The following ZBTB25 variants were observed in gnomAD, a reference collection of about 807,000 sequenced individuals.
ZBTB25 encodes zinc finger and BTB domain-containing protein 25.
In ZBTB25, 20 loss-of-function variants were observed where a neutral mutation model predicts 34.2. The ratio of observed to expected loss-of-function variants is 0.58; its 90% CI spans 0.41 to 0.85. The LOEUF (loss-of-function observed/expected upper bound fraction) is 0.85. ZBTB25 is among the 40% of genes least tolerant of loss of function. ZBTB25 has a pLI of 0.00. For missense variants in ZBTB25, 437 were observed against 521.8 expected, an observed-to-expected ratio of 0.84 and a Z score of 1.58; for synonymous variants, 175 against 186.4, an observed-to-expected ratio of 0.94 and a Z score of 0.50.
At chr14:64,488,924 A>G (rs981941247) in intron 2 of ZBTB25, among the ~76,000 whole-genome samples, 2 of 152,242 alleles carry the variant, frequency 1.3e-5, no homozygotes, top group African/African-American at 4.8e-5. Context: ...TATAGCCACA[A>G]TAAAGATATC....
In ZBTB25 at chr14:64,479,414, G is replaced by A. The variant is rs146506258; in HGVS notation, c.*7509C>T. ...TCTCCACATCGTCAAATGTCTCTATGGGGGGGGATAGCCCTGTGTAATGTT... is the reference window on the plus strand; with the variant it reads ...TCTCCACATCGTCAAATGTCTCTATAGGGGGGGATAGCCCTGTGTAATGTT... On this transcript the variant is annotated 3_prime_UTR_variant, in exon 3 of 3. Transcript: ENST00000608382. 6.7e-6 allele frequency: 1 copy of A among 149,504 alleles called. No individual in the cohort carries two copies. The highest frequency in any genetic ancestry group is 6.6e-5 in the Admixed American group (1 of 15,128). 9.3% of individuals were successfully genotyped at this position (149,504 alleles called of 1,614,324 possible).
At chr14:64,501,596 T>G (rs748097338) in intron 1 of ZBTB25, among the ~76,000 whole-genome samples, 2 of 152,240 alleles carry the variant, frequency 1.3e-5, no homozygotes, top group African/African-American at 4.8e-5. Flanking sequence ...GGAAAAACCC[T>G]GCAATAATAT....
intron 2 of ZBTB25, chr14:64,454,696 C>T (rs766325726): frequency 2.5e-6 from 4 of 1,600,446 alleles, no homozygotes; most frequent in Non-Finnish European, 3.4e-6. Context: ...TTTCATTTGT[C>T]CTCCCTCTCT....
In ZBTB25 at chr14:64,484,500, G is replaced by A. The variant is rs2602156; in HGVS notation, c.*2423C>T. The A allele has an allele frequency of 0.1, 15,231 of 152,306 alleles. 930 individuals are homozygous for A. Among genetic ancestry groups the A allele is most frequent in the Middle Eastern group, 0.15 (44 of 296 alleles). 9.4% of individuals were successfully genotyped at this position (152,306 alleles called of 1,614,324 possible). A position where few individuals can be genotyped will look rare whatever the true frequency, so the allele number is the denominator to read the frequency against. ...AGTTCCAGACCAGCCTGACCAAGAT[G>A]GTGAAACCCTGTCTCTGCTAAAAAC... On this transcript the variant is annotated 3_prime_UTR_variant, in exon 3 of 3. Transcript: ENST00000608382.
chr14:64,468,751 A>G (rs767633665), intron 2 of ZBTB25: 2 of 1,614,236 alleles, frequency 1.2e-6, no homozygotes, highest in Non-Finnish European at 1.7e-6. Context: ...TTTCTAAGAA[A>G]AAGGCAAAAT....
chr14:64,477,440 T>C (rs989689436), downstream of ZBTB25, among the ~76,000 whole-genome samples: 15 of 152,302 alleles, frequency 9.8e-5, no homozygotes, highest in African/African-American at 3.6e-4. Flanking sequence ...GTTAAAATAT[T>C]GTGATAGAGG....
chr14:64,473,308 A>C (rs1412846365), downstream of ZBTB25: 1 of 167,094 alleles, frequency 6.0e-6, no homozygotes. Flanking sequence ...GCATAAATGG[A>C]GTTGTTCAGA....
At chr14:64,456,872 G>A (rs1307555129) in intron 2 of ZBTB25, among the ~76,000 whole-genome samples, 1 of 152,140 alleles carries the variant, frequency 6.6e-6, no homozygotes, top group Non-Finnish European at 1.5e-5. Flanking sequence ...CCTTTTTATA[G>A]TTAAGTTTTA....
intron 2 of ZBTB25, among the ~76,000 whole-genome samples, chr14:64,489,646 C>G (rs1472789717): frequency 6.6e-6 from 1 of 151,520 alleles, no homozygotes; most frequent in Non-Finnish European, 1.5e-5. Context: ...CGCAATTCTC[C>G]TCCCTCAGCC....
intron 1 of ZBTB25, among the ~76,000 whole-genome samples, chr14:64,498,556 C>T (rs2079364189): frequency 6.6e-6 from 1 of 152,226 alleles, no homozygotes; most frequent in Admixed American, 6.5e-5. Flanking sequence ...GGCGATCCGC[C>T]TGCCTTGGCC....
chr14:64,465,046 C>T (rs2078595675), intron 2 of ZBTB25, among the ~76,000 whole-genome samples: 1 of 152,230 alleles, frequency 6.6e-6, no homozygotes, highest in Non-Finnish European at 1.5e-5. Flanking sequence ...AACATGACCT[C>T]GCTATTCTAT....
chr14:64,469,531 T>C (rs746708935), intron 2 of ZBTB25: 4 of 1,613,754 alleles, frequency 2.5e-6, no homozygotes, highest in Non-Finnish European at 3.4e-6. Context: ...ATGATAATGG[T>C]TTTGAGGATA....
upstream of ZBTB25, chr14:64,504,715 G>C: frequency 5.4e-6 from 2 of 371,666 alleles, no homozygotes; most frequent in Non-Finnish European, 4.8e-6. Flanking sequence ...CCGCGTAAGC[G>C]GGGCCGGCTC....
intron 2 of ZBTB25, among the ~76,000 whole-genome samples, chr14:64,465,848 G>A (rs1053279659): frequency 6.6e-6 from 1 of 152,192 alleles, no homozygotes; most frequent in Non-Finnish European, 1.5e-5. Context: ...TAGAAGCATG[G>A]GTTGCCGGTG....
chr14:64,483,794 T>A lies in ZBTB25; in HGVS notation c.*3129A>T, dbSNP rs960996157. ...GGCCAACATGGTGAAACCCTGTCTC[T>A]ACTAAAAATACAAAAATTAGCTGGG... On this transcript the variant is annotated 3_prime_UTR_variant, in exon 3 of 3. Transcript: ENST00000608382. The A allele has an allele frequency of 6.6e-6, 1 of 151,716 alleles. No individual in the cohort carries two copies. The highest frequency in any genetic ancestry group is 2.4e-5 in the African/African-American group (1 of 41,260). 9.4% of individuals were successfully genotyped at this position (151,716 alleles called of 1,614,324 possible).
intron 1 of ZBTB25, among the ~76,000 whole-genome samples, chr14:64,500,206 A>G (rs1482113924): frequency 1.3e-5 from 2 of 152,182 alleles, no homozygotes; most frequent in African/African-American, 4.8e-5. Flanking sequence ...GTACAGACCT[A>G]GAATACAGTA....
chr14:64,475,749 C>T (rs1347205925), downstream of ZBTB25, among the ~76,000 whole-genome samples: 1 of 152,028 alleles, frequency 6.6e-6, no homozygotes, highest in Non-Finnish European at 1.5e-5. Context: ...GAAGGGAAAC[C>T]TAGGTGAGGA....
At chr14:64,454,929 T>C (rs532362641) in intron 2 of ZBTB25, 1 of 1,589,572 alleles carries the variant, frequency 6.3e-7, no homozygotes, top group Admixed American at 1.7e-5. Context: ...TCGTCTGAAG[T>C]GTGTTGCCGA....
chr14:64,460,021 A>T, intron 2 of ZBTB25: 1 of 1,122,008 alleles, frequency 8.9e-7, no homozygotes, highest in Non-Finnish European at 1.3e-6. Context: ...GTGTTGCAAT[A>T]TGAATTACAG....
Sources: allele counts gnomAD v4.1 joint callset (sites outside exome capture counted in the v4.1 genomes callset), GRCh38; gene constraint gnomAD v4.1.1; transcripts MANE v1.5; gene names NCBI Gene and HGNC (gene_info 2026-07-23, HGNC 2026-07-21).